The following ASXL3 variants were observed in gnomAD, a reference collection of about 807,000 sequenced individuals.
ASXL3 encodes putative Polycomb group protein ASXL3.
ASXL3 carries 34 observed loss-of-function variants against 170.6 expected under a neutral mutation model. That is an observed-to-expected ratio of 0.20 (90% CI 0.15 to 0.27). The LOEUF is 0.27. Among genes scored for constraint, ASXL3 ranks in the 10% least tolerant of loss-of-function variants. The pLI, the probability that ASXL3 is intolerant of heterozygous loss-of-function variation, is 1.00. For synonymous variants in ASXL3, 1,002 were observed against 989.1 expected (o/e 1.01, Z -0.24); for missense variants, 2,592 against 2,695.3 (o/e 0.96, Z 0.85).
At chr18:33,730,602 G>A (rs145359205) in intron 8 of ASXL3, among the ~76,000 whole-genome samples, 407 of 151,864 alleles carry the variant, frequency 2.7e-3, no homozygotes, top group African/African-American at 9.1e-3. Context: ...AACCTATGAG[G>A]TGGGACATTG....
chr18:33,716,383 C>G (rs956564675), intron 8 of ASXL3, among the ~76,000 whole-genome samples: 1 of 152,126 alleles, frequency 6.6e-6, no homozygotes, highest in African/African-American at 2.4e-5. Flanking sequence ...TAGTGTTTCC[C>G]AAACTTCATT....
At chr18:33,740,613 A>G (rs1952989997) in intron 11 of ASXL3, among the ~76,000 whole-genome samples, 170 bp downstream of exon 11, 1 of 152,216 alleles carries the variant, frequency 6.6e-6, no homozygotes, top group Non-Finnish European at 1.5e-5. Flanking sequence ...CTGAATTCAT[A>G]AAAGCAGTTT....
At chr18:33,609,459 C>T (rs534275041) in intron 2 of ASXL3, among the ~76,000 whole-genome samples, 35 of 152,058 alleles carry the variant, frequency 2.3e-4, no homozygotes, top group African/African-American at 7.0e-4. Flanking sequence ...ATCCCTGTAC[C>T]GTGGCTCACA....
chr18:33,690,960 C>T (rs1057419454), intron 8 of ASXL3, among the ~76,000 whole-genome samples: 5 of 152,190 alleles, frequency 3.3e-5, no homozygotes, highest in Non-Finnish European at 7.3e-5. Flanking sequence ...CTCTGTGCTA[C>T]CTCACCCCAC....
At chr18:33,675,420 T>G (rs1426210664) in intron 7 of ASXL3, among the ~76,000 whole-genome samples, 1 of 152,194 alleles carries the variant, frequency 6.6e-6, no homozygotes, top group African/African-American at 2.4e-5. Flanking sequence ...TTTACTGTCC[T>G]TGCCTTCTCT....
At chr18:33,660,199 A>T (rs1274925293) in intron 4 of ASXL3, among the ~76,000 whole-genome samples, 1 of 152,146 alleles carries the variant, frequency 6.6e-6, no homozygotes, top group Non-Finnish European at 1.5e-5. Context: ...ATAGAAATAT[A>T]TACCTTATTG....
intron 2 of ASXL3, among the ~76,000 whole-genome samples, chr18:33,639,785 T>C (rs1410766008): frequency 1.3e-5 from 2 of 152,200 alleles, no homozygotes; most frequent in Admixed American, 6.6e-5. Context: ...TTCAAATGTA[T>C]GTCTCTACTT....
In ASXL3 at chr18:33,746,257, T is replaced by A. The variant is rs199649977; in HGVS notation, c.6409T>A (p.Leu2137Ile). 4.3e-6 allele frequency: 7 copies of A among 1,613,998 alleles called. No individual in the cohort carries two copies. The Admixed American group carries it at 1.0e-4, about 23-fold the overall frequency. ...TGAGCCACAAAAGCCTTTTACCCAATTAGCTGCTCAGAAAATGCAGGTGCA... is the reference window on the plus strand; with the variant it reads ...TGAGCCACAAAAGCCTTTTACCCAAATAGCTGCTCAGAAAATGCAGGTGCA... Reference protein sequence around the residue: ...LSEPQKPFTQLAAQKMQVQQQ... With the variant: ...LSEPQKPFTQIAAQKMQVQQQ... The change falls in exon 12 of 12, where the codon TTA (leucine) becomes ATA (isoleucine). Residue 2137 changes from leucine to isoleucine, a missense_variant. By Grantham distance (5) the Leu-to-Ile change is conservative. Coordinates refer to ENST00000269197, the MANE Select transcript of ASXL3 (RefSeq NM_030632.3).
intron 6 of ASXL3, 148 bp from the exon 7 acceptor site, chr18:33,671,599 A>G (rs994180057): frequency 6.6e-6 from 4 of 601,858 alleles, no homozygotes; most frequent in South Asian, 7.3e-5. Flanking sequence ...CTCTTTTTAT[A>G]TCCAGTAGGG....
chr18:33,674,521 A>G (rs2066394763), intron 7 of ASXL3, among the ~76,000 whole-genome samples: 1 of 152,200 alleles, frequency 6.6e-6, no homozygotes, highest in African/African-American at 2.4e-5. Flanking sequence ...AGTCAGTAGT[A>G]CTTTCAAAGT....
Position 33,744,337 on chromosome 18 carries a change from A to G in ASXL3, c.4489A>G (p.Ser1497Gly). 1.9e-6 allele frequency: 3 copies of G among 1,614,010 alleles called. No homozygotes were observed. The change falls in exon 12 of 12, where the codon AGC (serine) becomes GGC (glycine). Residue 1497 changes from serine (S) to glycine (G), a missense_variant. Ser to Gly is a moderately conservative substitution (Grantham distance 56). Coordinates refer to ENST00000269197, the MANE Select transcript of ASXL3 (RefSeq NM_030632.3). ...TGTCTCCGTTGAAAGCTCAGAAGCC[A>G]GCTTGGACCTGCAGGGCAGACCAGT... ...LTVSVESSEA[S>G]LDLQGRPVRT...
At chr18:33,611,301 C>T (rs772915171) in intron 2 of ASXL3, among the ~76,000 whole-genome samples, 1 of 151,824 alleles carries the variant, frequency 6.6e-6, no homozygotes, top group Non-Finnish European at 1.5e-5. Flanking sequence ...GTCAGAAGGA[C>T]ATGTGGTTTT....
intron 7 of ASXL3, among the ~76,000 whole-genome samples, chr18:33,679,528 AAGTT>A (rs1568323350): frequency 6.6e-6 from 1 of 152,026 alleles, no homozygotes; most frequent in Non-Finnish European, 1.5e-5. Flanking sequence ...TCAATTGAAG[AAGTT>A]TTTTCTTTTT....
chr18:33,640,030 C>T (rs936803799), intron 2 of ASXL3, among the ~76,000 whole-genome samples: 2 of 152,032 alleles, frequency 1.3e-5, no homozygotes, highest in African/African-American at 4.8e-5. Flanking sequence ...AAAATATCTT[C>T]CTTTGAAATG....
Position 33,578,529 on chromosome 18 carries a change from A to T in ASXL3, c.-103A>T, listed in dbSNP as rs2145082625. 1.7e-6 allele frequency: 1 copy of T among 580,254 alleles called. No homozygotes were observed. Among genetic ancestry groups the T allele is most frequent in the South Asian group, 6.4e-5 (1 of 15,742 alleles). 35.9% of individuals were successfully genotyped at this position (580,254 alleles called of 1,614,324 possible). A position where few individuals can be genotyped will look rare whatever the true frequency, so the allele number is the denominator to read the frequency against. ...CCCGCGCGCCTCCCCCCGCGGAGCG[A>T]GTGCGGGTCACCGGGTCACTGGGTC... On this transcript the variant is annotated 5_prime_UTR_variant, in exon 1 of 12. Transcript: ENST00000269197.
chr18:33,726,113 T>C (rs1268663716), intron 8 of ASXL3, among the ~76,000 whole-genome samples: 2 of 152,174 alleles, frequency 1.3e-5, no homozygotes, highest in Non-Finnish European at 2.9e-5. Flanking sequence ...ACAAACCTCC[T>C]CTGCCTATAG....
chr18:33,721,122 G>A (rs1208864344), intron 8 of ASXL3, among the ~76,000 whole-genome samples: 1 of 151,992 alleles, frequency 6.6e-6, no homozygotes, highest in Non-Finnish European at 1.5e-5. Context: ...TAGAATAAGA[G>A]AATTGTTTTC....
At chr18:33,652,852 G>A (rs1244193598) in intron 4 of ASXL3, among the ~76,000 whole-genome samples, 1 of 151,992 alleles carries the variant, frequency 6.6e-6, no homozygotes, top group Non-Finnish European at 1.5e-5. Flanking sequence ...AAAGTGAAAA[G>A]TGTGTTAAGG....
intron 1 of ASXL3, among the ~76,000 whole-genome samples, chr18:33,581,833 A>G (rs1313448868): frequency 6.6e-6 from 1 of 152,208 alleles, no homozygotes; most frequent in Non-Finnish European, 1.5e-5. Context: ...TGCTTAGTGT[A>G]TGAAAGAAGG....
Sources: allele counts gnomAD v4.1 joint callset (sites outside exome capture counted in the v4.1 genomes callset), GRCh38; gene constraint gnomAD v4.1.1; transcripts MANE v1.5; gene names NCBI Gene and HGNC (gene_info 2026-07-23, HGNC 2026-07-21).